WDFY2: variants seen among roughly 807,000 people sequenced by gnomAD.
WDFY2 encodes WD repeat and FYVE domain-containing protein 2.
WDFY2 carries 36 observed loss-of-function variants against 56.4 expected under a neutral mutation model. The observed-to-expected ratio is 0.64, with a 90% confidence interval of 0.49 to 0.84. WDFY2 has a LOEUF of 0.84. Ranked by LOEUF, WDFY2 falls within the 40% of genes least tolerant of loss-of-function variation. The pLI is 0.00. For synonymous variants in WDFY2, 176 were observed against 183.7 expected (o/e 0.96, Z 0.34); for missense variants, 444 against 512.2 (o/e 0.87, Z 1.29).
At chr13:51,587,694 A>G (rs2138278828) in intron 1 of WDFY2, 1 of 152,372 alleles carries the variant, frequency 6.6e-6, no homozygotes, top group African/African-American at 2.4e-5. Context: ...AGATGCTCAC[A>G]ATTTAGTGCA....
chr13:51,685,770 C>T (rs1418540847), intron 3 of WDFY2, among the ~76,000 whole-genome samples: 2 of 152,140 alleles, frequency 1.3e-5, no homozygotes, highest in Non-Finnish European at 2.9e-5. Context: ...CTAAACATGT[C>T]TAGTAAATAA....
intron 6 of WDFY2, among the ~76,000 whole-genome samples, chr13:51,736,194 G>A (rs1282207627): frequency 1.3e-5 from 2 of 152,144 alleles, no homozygotes; most frequent in African/African-American, 4.8e-5. Context: ...CATGTGCTAG[G>A]CACTGTTGTG....
intron 1 of WDFY2, among the ~76,000 whole-genome samples, chr13:51,601,475 C>A (rs531129453): frequency 1.2e-4 from 18 of 151,294 alleles, no homozygotes; most frequent in African/African-American, 3.4e-4. Context: ...AGTGCAATGG[C>A]GCAATCTTGG....
chr13:51,748,399 A>G (rs1180365504), intron 7 of WDFY2, among the ~76,000 whole-genome samples: 2 of 152,202 alleles, frequency 1.3e-5, no homozygotes, highest in East Asian at 3.8e-4. Flanking sequence ...TTGCTGAGAA[A>G]TCAACTATTG....
At chr13:51,734,527 A>G (rs181933451) in intron 6 of WDFY2, among the ~76,000 whole-genome samples, 8 of 152,316 alleles carry the variant, frequency 5.3e-5, no homozygotes, top group Admixed American at 2.0e-4. Context: ...TATTTTAAAA[A>G]TATTTTGGCG....
chr13:51,728,865 G>T (rs916423137), intron 6 of WDFY2, among the ~76,000 whole-genome samples: 1 of 152,070 alleles, frequency 6.6e-6, no homozygotes, highest in African/African-American at 2.4e-5. Context: ...CTGGGCCTGG[G>T]GTTCTGGGGG....
chr13:51,640,873 G>C (rs1040122911), intron 1 of WDFY2, among the ~76,000 whole-genome samples: 6 of 151,068 alleles, frequency 4.0e-5, no homozygotes, highest in Non-Finnish European at 8.8e-5. Context: ...GTCCTAGCTA[G>C]TACCTTCACA....
At chr13:51,752,445 T>A (rs2138720178) in intron 8 of WDFY2, among the ~76,000 whole-genome samples, 1 of 152,338 alleles carries the variant, frequency 6.6e-6, no homozygotes, top group African/African-American at 2.4e-5. Context: ...CCCGCATGGC[T>A]GGTGATTATG....
intron 7 of WDFY2, among the ~76,000 whole-genome samples, chr13:51,740,466 A>G (rs538644174): frequency 6.6e-6 from 1 of 152,360 alleles, no homozygotes; most frequent in African/African-American, 2.4e-5. Context: ...CTGTAATCCC[A>G]GCACTTTGGG....
chr13:51,692,633 A>G (rs1294376859), intron 3 of WDFY2, among the ~76,000 whole-genome samples: 1 of 152,182 alleles, frequency 6.6e-6, no homozygotes, highest in East Asian at 1.9e-4. Context: ...AATGTTCATC[A>G]AGGATATTGG....
At chr13:51,591,955 C>G (rs1954052067) in intron 1 of WDFY2, 1 of 143,316 alleles carries the variant, frequency 7.0e-6, no homozygotes, top group Non-Finnish European at 1.5e-5. Flanking sequence ...TAAAGCCTTT[C>G]AGCCCAGAGC....
intron 3 of WDFY2, among the ~76,000 whole-genome samples, chr13:51,678,471 T>C (rs1955924634): frequency 6.6e-6 from 1 of 152,254 alleles, no homozygotes; most frequent in South Asian, 2.1e-4. Context: ...CAAAATGTTT[T>C]TCAAAATAGA....
chr13:51,748,155 GC>G (rs1566225741), intron 7 of WDFY2, among the ~76,000 whole-genome samples: 1 of 151,662 alleles, frequency 6.6e-6, no homozygotes, highest in African/African-American at 2.4e-5. Context: ...CCATCACAAC[GC>G]CCCCTCCCCC....
intron 6 of WDFY2, among the ~76,000 whole-genome samples, chr13:51,732,045 C>T (rs1374456747): frequency 1.3e-5 from 2 of 152,130 alleles, no homozygotes; most frequent in Non-Finnish European, 2.9e-5. Flanking sequence ...GAGCTAAATG[C>T]CGGATATCAT....
Position 51,761,161 on chromosome 13 carries a change from G to GGT in WDFY2, c.*1394_*1395dup, listed in dbSNP as rs1326198664. 1 of 152,180 alleles carries GGT rather than the reference G, an allele frequency of 6.6e-6. No individual in the cohort carries two copies. The highest frequency in any genetic ancestry group is 1.5e-5 in the Non-Finnish European group (1 of 68,028). The allele number at this position is 152,180 out of a possible 1,614,324, so 9.4% of individuals were successfully genotyped here. ...CACTTTCTTACTAAAACGGTATGTG[G>GGT]GTGGTCCGAGACAGAATGGTACCTA... is the stretch of plus-strand genomic sequence containing the variant. On this transcript the variant is annotated 3_prime_UTR_variant, in exon 12 of 12. Coordinates refer to ENST00000298125, the MANE Select transcript of WDFY2 (RefSeq NM_052950.4).
intron 3 of WDFY2, among the ~76,000 whole-genome samples, chr13:51,680,809 A>G (rs1290511496): frequency 1.3e-5 from 2 of 152,202 alleles, no homozygotes; most frequent in Admixed American, 6.5e-5. Context: ...TGTCAGGATA[A>G]TGGTGGCAGA....
chr13:51,596,763 G>A (rs886804803), intron 1 of WDFY2, among the ~76,000 whole-genome samples: 5 of 152,186 alleles, frequency 3.3e-5, no homozygotes, highest in Admixed American at 3.3e-4. Context: ...CATGAGAAGG[G>A]ACAAGGATCT....
At chr13:51,609,642 A>G (rs1227428124) in intron 1 of WDFY2, among the ~76,000 whole-genome samples, 3 of 138,068 alleles carry the variant, frequency 2.2e-5, no homozygotes, top group African/African-American at 5.4e-5. Context: ...AGGTTAACAT[A>G]TGTTTAAGAA....
chr13:51,683,875 C>T (rs916503616), intron 3 of WDFY2, among the ~76,000 whole-genome samples: 1 of 152,064 alleles, frequency 6.6e-6, no homozygotes, highest in Non-Finnish European at 1.5e-5. Context: ...TGCTTGGCTG[C>T]ACTTGGATGC....
Sources: gnomAD v4.1 joint callset for allele counts (sites outside exome capture counted in the v4.1 genomes callset) on GRCh38, gnomAD v4.1.1 for gene constraint, MANE v1.5 for transcripts, NCBI Gene and HGNC (gene_info 2026-07-23, HGNC 2026-07-21) for gene names.